The following EAF2 variants were observed in gnomAD, a reference collection of about 807,000 sequenced individuals.
EAF2 encodes the protein ELL associated factor 2, also known as ELL-associated factor 2.
In EAF2, 29 loss-of-function variants were observed where a neutral mutation model predicts 29.4. That is an observed-to-expected ratio of 0.99 (90% CI 0.73 to 1.35). EAF2 has a LOEUF of 1.35. Among genes scored for constraint, EAF2 ranks in the 40% most tolerant of loss-of-function variants. The pLI is 0.00. For synonymous variants in EAF2, 103 were observed against 102.5 expected (o/e 1.00, Z -0.03); for missense variants, 292 against 312.0 (o/e 0.94, Z 0.48).
intron 5 of EAF2, among the ~76,000 whole-genome samples, chr3:121,879,620 C>CTTTCTT (rs1709158086): frequency 6.9e-6 from 1 of 144,820 alleles, no homozygotes; most frequent in East Asian, 2.0e-4. Context: ...TTCTTTCTTT[C>CTTTCTT]TTTTTTTTTT....
intron 2 of EAF2, among the ~76,000 whole-genome samples, chr3:121,845,565 T>A (rs1708516314): frequency 6.6e-6 from 1 of 151,996 alleles, no homozygotes; most frequent in South Asian, 2.1e-4. Context: ...AATGTAGAAT[T>A]TGGACTTTAT....
chr3:121,844,390 C>T, intron 1 of EAF2, 63 bp from the exon 2 acceptor site: 5 of 1,004,862 alleles, frequency 5.0e-6, no homozygotes, highest in South Asian at 1.4e-5. Flanking sequence ...GAAACATGCT[C>T]ATAATTTTTA....
chr3:121,835,224 A>G lies in EAF2; in HGVS notation c.-62A>G. ...TGGCGGGATCAAGTGCAGCTGCTTC[A>G]GGCTGAGGTGGCAGATAGTGAGCGC... On this transcript the variant is annotated 5_prime_UTR_variant, in exon 1 of 6. Transcript: ENST00000273668. 6.6e-7 allele frequency: 1 copy of G among 1,517,584 alleles called. No homozygotes were observed. Among genetic ancestry groups the G allele is most frequent in the Non-Finnish European group, 9.2e-7 (1 of 1,092,808 alleles). 94.0% of individuals were successfully genotyped at this position (1,517,584 alleles called of 1,614,324 possible). A position where few individuals can be genotyped will look rare whatever the true frequency, so the allele number is the denominator to read the frequency against.
chr3:121,856,736 C>A (rs1456763612), intron 3 of EAF2, among the ~76,000 whole-genome samples: 1 of 152,206 alleles, frequency 6.6e-6, no homozygotes, highest in Non-Finnish European at 1.5e-5. Context: ...CCACTTCAGC[C>A]TCCCAATATG....
chr3:121,881,617 C>A (rs1444437084), intron 5 of EAF2, among the ~76,000 whole-genome samples: 1 of 152,024 alleles, frequency 6.6e-6, no homozygotes, highest in African/African-American at 2.4e-5. Context: ...TCAAGCAATT[C>A]TTCTGCCTCA....
Position 121,885,552 on chromosome 3 carries a change from T to C in EAF2, c.737-790T>C, listed in dbSNP as rs538730970. Among the ~76,000 whole-genome samples the C allele has an allele frequency of 1.1e-4, 16 of 152,328 alleles. No homozygotes were observed. The South Asian group carries it at 3.3e-3, about 32-fold the overall frequency. On this transcript the variant is annotated intron_variant, in intron 5 of 5. Coordinates refer to ENST00000273668, the MANE Select transcript of EAF2 (RefSeq NM_018456.6). ...CTGACCTCATTTACTACTGTTATCT[T>C]CCTTATTCATTCCATTCCACCCACA... is the stretch of plus-strand genomic sequence containing the variant.
At chr3:121,861,112 A>C (rs2107525912) in intron 4 of EAF2, among the ~76,000 whole-genome samples, 1 of 152,276 alleles carries the variant, frequency 6.6e-6, no homozygotes, top group Non-Finnish European at 1.5e-5. Context: ...TTTTGGAATA[A>C]GTGTGATGTG....
chr3:121,855,638 AGAG>A (rs1017291323), intron 3 of EAF2, among the ~76,000 whole-genome samples: 29 of 152,316 alleles, frequency 1.9e-4, no homozygotes, highest in Non-Finnish European at 3.1e-4. Flanking sequence ...AATTGATTAG[AGAG>A]GAGATGAGAA....
intron 5 of EAF2, among the ~76,000 whole-genome samples, chr3:121,875,381 G>T (rs1709078932): frequency 6.6e-6 from 1 of 151,952 alleles, no homozygotes; most frequent in African/African-American, 2.4e-5. Flanking sequence ...AAGGGATCTA[G>T]CATATCTCCA....
intron 5 of EAF2, among the ~76,000 whole-genome samples, chr3:121,875,851 G>A (rs1480282942): frequency 1.3e-5 from 2 of 151,538 alleles, no homozygotes; most frequent in Admixed American, 6.6e-5. Context: ...TACAGTTGAT[G>A]AATAAATTGG....
intron 1 of EAF2, among the ~76,000 whole-genome samples, chr3:121,839,179 A>G (rs1708359735): frequency 2.6e-5 from 4 of 152,206 alleles, no homozygotes; most frequent in Admixed American, 2.6e-4. Flanking sequence ...TTAGTTGCAA[A>G]TACCTAACAT....
intron 5 of EAF2, among the ~76,000 whole-genome samples, chr3:121,883,242 A>C (rs866663087): frequency 3.9e-4 from 60 of 152,282 alleles, no homozygotes; most frequent in African/African-American, 1.4e-3. Context: ...GGACTAGAAA[A>C]GTATATGCAT....
intron 4 of EAF2, among the ~76,000 whole-genome samples, chr3:121,860,771 G>A (rs774333996): frequency 1.3e-4 from 20 of 151,982 alleles, no homozygotes; most frequent in Non-Finnish European, 2.6e-4. Context: ...TTACGGTGTC[G>A]ATTTTAGATC....
At chr3:121,844,354 G>A (rs1708484859) in intron 1 of EAF2, 99 bp from the exon 2 acceptor site, 1 of 722,004 alleles carries the variant, frequency 1.4e-6, no homozygotes, top group Non-Finnish European at 2.3e-6. Flanking sequence ...TAATTACAAA[G>A]CTCTTGAAAA....
At chr3:121,855,288 C>T (rs1708700168) in intron 3 of EAF2, among the ~76,000 whole-genome samples, 1 of 152,136 alleles carries the variant, frequency 6.6e-6, no homozygotes, top group African/African-American at 2.4e-5. Flanking sequence ...ATACCCATCT[C>T]AAATCCTTTT....
chr3:121,858,411 G>C (rs1371825733), intron 4 of EAF2, among the ~76,000 whole-genome samples: 1 of 152,204 alleles, frequency 6.6e-6, no homozygotes, highest in Non-Finnish European at 1.5e-5. Flanking sequence ...GCATTTCTCT[G>C]ATGACCAGTG....
At chr3:121,872,284 A>T (rs1386429460) in intron 4 of EAF2, among the ~76,000 whole-genome samples, 2 of 152,034 alleles carry the variant, frequency 1.3e-5, no homozygotes, top group East Asian at 3.9e-4. Flanking sequence ...CTGTATACTT[A>T]AGTACAATGG....
chr3:121,845,320 C>T (rs986649089), intron 2 of EAF2, among the ~76,000 whole-genome samples: 1 of 151,226 alleles, frequency 6.6e-6, no homozygotes, highest in Non-Finnish European at 1.5e-5. Context: ...CACCTGTAGT[C>T]CCAGCTATTT....
intron 2 of EAF2, among the ~76,000 whole-genome samples, chr3:121,851,771 G>A (rs1438801518): frequency 5.9e-5 from 9 of 152,172 alleles, no homozygotes; most frequent in Non-Finnish European, 1.3e-4. Flanking sequence ...GTAGGGAGGA[G>A]AATAACAATA....
Sources: allele counts gnomAD v4.1 joint callset (sites outside exome capture counted in the v4.1 genomes callset), GRCh38; gene constraint gnomAD v4.1.1; transcripts MANE v1.5; gene names NCBI Gene and HGNC (gene_info 2026-07-23, HGNC 2026-07-21).